Variants in MARCHF4 observed in about 807,000 individuals in gnomAD.
The protein encoded by MARCHF4 is E3 ubiquitin-protein ligase MARCHF4.
A neutral mutation model predicts 43.9 loss-of-function variants in MARCHF4; 14 were observed. The ratio of observed to expected loss-of-function variants is 0.32; its 90% CI spans 0.21 to 0.50. The LOEUF (loss-of-function observed/expected upper bound fraction) is 0.50. MARCHF4 is among the 20% of genes least tolerant of loss of function. The probability of loss-of-function intolerance (pLI) is 0.98; values close to 1 mark genes in which losing one functional copy is unlikely to be tolerated. For synonymous variants in MARCHF4, 226 were observed against 213.3 expected (o/e 1.06, Z -0.52); for missense variants, 468 against 536.7 (o/e 0.87, Z 1.27).
At chr2:216,267,527 A>C (rs534337163) in intron 3 of MARCHF4, among the ~76,000 whole-genome samples, 1 of 152,160 alleles carries the variant, frequency 6.6e-6, no homozygotes, top group Admixed American at 6.5e-5. Flanking sequence ...AGAATCTCCT[A>C]CTGCTCAGGA....
intron 1 of MARCHF4, among the ~76,000 whole-genome samples, chr2:216,341,439 A>T (rs935515030): frequency 6.6e-6 from 1 of 152,174 alleles, no homozygotes; most frequent in African/African-American, 2.4e-5. Context: ...GCTGATGCAG[A>T]CTGAGCCTGG....
At chr2:216,292,880 G>T (rs1393153034) in intron 1 of MARCHF4, among the ~76,000 whole-genome samples, 3 of 152,200 alleles carry the variant, frequency 2.0e-5, no homozygotes, top group African/African-American at 7.2e-5. Flanking sequence ...GGAGGTCAAT[G>T]TATCCTGGTA....
intron 1 of MARCHF4, among the ~76,000 whole-genome samples, chr2:216,291,697 T>C (rs1355586528): frequency 6.6e-6 from 1 of 152,246 alleles, no homozygotes; most frequent in Non-Finnish European, 1.5e-5. Flanking sequence ...GCTTCCTTTC[T>C]TTCTCCTCTC....
At chr2:216,369,716 G>A (rs961793932) in intron 1 of MARCHF4, 29 bp downstream of exon 1, 3 of 1,519,586 alleles carry the variant, frequency 2.0e-6, no homozygotes, top group Admixed American at 2.1e-5. Flanking sequence ...AATACCACAG[G>A]AAGCAGGAGA....
chr2:216,301,205 A>G (rs1691487799), intron 1 of MARCHF4, among the ~76,000 whole-genome samples: 1 of 152,188 alleles, frequency 6.6e-6, no homozygotes, highest in Non-Finnish European at 1.5e-5. Context: ...GGGAAGCTCC[A>G]AGGGAAAGGA....
rs1465597854 is a variant in MARCHF4 at position 216,321,831 on chromosome 2, A to G, written c.517-38102T>C. On this transcript the variant is annotated intron_variant, in intron 1 of 3. Coordinates refer to ENST00000273067, the MANE Select transcript of MARCHF4 (RefSeq NM_020814.3). Reference sequence around the variant, plus strand: ...TTGTCCCATATACTGCATTTGTATGACTCAGAAAAAGAAGCCCATTCCTCC... The same window carrying G: ...TTGTCCCATATACTGCATTTGTATGGCTCAGAAAAAGAAGCCCATTCCTCC... The G allele has an allele frequency of 3.3e-5, 5 of 152,342 alleles. No homozygotes were observed. In the East Asian group the frequency reaches 9.6e-4, roughly 29 times the overall value. 9.4% of individuals were successfully genotyped at this position (152,342 alleles called of 1,614,324 possible).
intron 1 of MARCHF4, among the ~76,000 whole-genome samples, chr2:216,324,962 CA>C (rs1234041443): frequency 1.3e-5 from 2 of 151,136 alleles, no homozygotes; most frequent in Non-Finnish European, 2.9e-5. Flanking sequence ...AAGTTCTGGC[CA>C]GGGCAATTAG....
At chr2:216,326,272 C>T (rs1242483791) in intron 1 of MARCHF4, among the ~76,000 whole-genome samples, 106 of 152,048 alleles carry the variant, frequency 7.0e-4, no homozygotes, top group African/African-American at 2.5e-3. Context: ...TACCATCTCA[C>T]ACCAGTTAGA....
chr2:216,270,763 C>T (rs1385789319), intron 3 of MARCHF4, among the ~76,000 whole-genome samples: 1 of 152,062 alleles, frequency 6.6e-6, no homozygotes, highest in South Asian at 2.1e-4. Context: ...CACAATGGTG[C>T]CCATTCCCCA....
intron 1 of MARCHF4, among the ~76,000 whole-genome samples, chr2:216,351,247 G>A (rs936339078): frequency 1.3e-5 from 2 of 152,298 alleles, no homozygotes; most frequent in Non-Finnish European, 1.5e-5. Context: ...GCATCACCAC[G>A]CGCAAGGAAA....
At chr2:216,368,484 A>G (rs1692700413) in intron 1 of MARCHF4, among the ~76,000 whole-genome samples, 1 of 152,208 alleles carries the variant, frequency 6.6e-6, no homozygotes, top group Non-Finnish European at 1.5e-5. Flanking sequence ...TCCCCTCATA[A>G]TTCCAAGCTG....
chr2:216,291,143 G>T (rs1359575557), intron 1 of MARCHF4, among the ~76,000 whole-genome samples: 2 of 152,098 alleles, frequency 1.3e-5, no homozygotes, highest in African/African-American at 4.8e-5. Flanking sequence ...AATGTTTAGA[G>T]GTCAGGAGAT....
chr2:216,326,345 AC>A (rs1409065648), intron 1 of MARCHF4, among the ~76,000 whole-genome samples: 2 of 148,932 alleles, frequency 1.3e-5, no homozygotes, highest in East Asian at 4.0e-4. Flanking sequence ...AAATAGGAAC[AC>A]TTTTACACTG....
intron 1 of MARCHF4, among the ~76,000 whole-genome samples, chr2:216,322,577 T>C (rs1305670647): frequency 1.3e-5 from 2 of 152,180 alleles, no homozygotes; most frequent in African/African-American, 4.8e-5. Flanking sequence ...ATCTCAACAC[T>C]TTGGGAGGCC....
intron 1 of MARCHF4, among the ~76,000 whole-genome samples, chr2:216,341,981 T>C (rs1393733585): frequency 6.6e-6 from 1 of 152,170 alleles, no homozygotes; most frequent in East Asian, 1.9e-4. Context: ...TGTGGCAAAC[T>C]CATCATTAGG....
At chr2:216,332,075 T>A (rs1037353955) in intron 1 of MARCHF4, among the ~76,000 whole-genome samples, 4 of 152,048 alleles carry the variant, frequency 2.6e-5, no homozygotes, top group African/African-American at 7.2e-5. Flanking sequence ...TAGAAAAAAA[T>A]AATCTACAAA....
chr2:216,324,077 TAAAG>T (rs1435502739), intron 1 of MARCHF4, among the ~76,000 whole-genome samples: 2 of 145,398 alleles, frequency 1.4e-5, no homozygotes, highest in African/African-American at 5.1e-5. Flanking sequence ...GCAAGACTAA[TAAAG>T]AAAAAAAGAG....
intron 1 of MARCHF4, among the ~76,000 whole-genome samples, chr2:216,292,614 A>G (rs1386145219): frequency 2.0e-5 from 3 of 152,218 alleles, no homozygotes; most frequent in Non-Finnish European, 4.4e-5. Context: ...TCTACATTTG[A>G]GGAACCAGCT....
chr2:216,260,416 C>T (rs539468516), intron 3 of MARCHF4, among the ~76,000 whole-genome samples: 10 of 152,334 alleles, frequency 6.6e-5, no homozygotes, highest in African/African-American at 2.4e-4. Context: ...TATCCACTGG[C>T]TGCAGGCACT....
Sources: gnomAD v4.1 joint callset for allele counts (sites outside exome capture counted in the v4.1 genomes callset) on GRCh38, gnomAD v4.1.1 for gene constraint, MANE v1.5 for transcripts, NCBI Gene and HGNC (gene_info 2026-07-23, HGNC 2026-07-21) for gene names.